Variants in PARD6G observed in about 807,000 individuals in gnomAD.
PARD6G encodes the protein par-6 family cell polarity regulator gamma, also known as partitioning defective 6 homolog gamma.
A neutral mutation model predicts 10.7 loss-of-function variants in PARD6G; 7 were observed. That is an observed-to-expected ratio of 0.66 (90% confidence interval 0.37 to 1.23). The LOEUF (loss-of-function observed/expected upper bound fraction) is 1.23. Ranked by LOEUF, PARD6G falls within the 50% of genes most tolerant of loss-of-function variation. The pLI is 0.02. For missense variants in PARD6G, 548 were observed against 571.8 expected (o/e 0.96, Z 0.42); for synonymous variants, 287 against 269.4 (o/e 1.07, Z -0.64).
At chr18:80,224,080 A>G (rs1967260765) in intron 1 of PARD6G, among the ~76,000 whole-genome samples, 1 of 152,174 alleles carries the variant, frequency 6.6e-6, no homozygotes. Context: ...CCAAACTACA[A>G]AAGTCCTCAG....
At chr18:80,204,246 T>C (rs1023400360) in intron 1 of PARD6G, among the ~76,000 whole-genome samples, 9 of 152,196 alleles carry the variant, frequency 5.9e-5, no homozygotes, top group African/African-American at 1.9e-4. Context: ...AAACTAGTCA[T>C]TATATCATCT....
intron 2 of PARD6G, among the ~76,000 whole-genome samples, chr18:80,193,038 T>G (rs769224257): frequency 1.3e-5 from 2 of 152,112 alleles, no homozygotes; most frequent in African/African-American, 4.8e-5. Context: ...CCCAAGCAGA[T>G]GGTGGCTTAG....
At chr18:80,214,475 A>G (rs1322795363) in intron 1 of PARD6G, among the ~76,000 whole-genome samples, 3 of 152,186 alleles carry the variant, frequency 2.0e-5, no homozygotes, top group African/African-American at 7.2e-5. Context: ...CAAAAAAAAA[A>G]GAATGATATC....
rs1248409610 is a variant in PARD6G at position 80,188,811 on chromosome 18, A to G, written c.295+13899T>C. 1.3e-5 allele frequency among the ~76,000 whole-genome samples: 2 copies of G among 152,164 alleles called. No homozygotes were observed. Among genetic ancestry groups the G allele is most frequent in the Admixed American group, 6.5e-5 (1 of 15,278 alleles). ...AAGTGACAGGCATGTGGGAGAGACA[A>G]GCCCACGAGATGGGCTTGCGGGGAA... On this transcript the variant is annotated intron_variant, in intron 2 of 2. Transcript: ENST00000353265. The surrounding 1 kb of genome is among the most constrained non-coding windows in gnomAD (Gnocchi z 5.4).
At chr18:80,230,361 G>A (rs1415899242) in intron 1 of PARD6G, among the ~76,000 whole-genome samples, 1 of 152,214 alleles carries the variant, frequency 6.6e-6, no homozygotes, top group Non-Finnish European at 1.5e-5. Context: ...AGAAATACAG[G>A]CGGTCATCCT....
At chr18:80,197,205 C>A (rs1051170149) in intron 2 of PARD6G, among the ~76,000 whole-genome samples, 1 of 152,142 alleles carries the variant, frequency 6.6e-6, no homozygotes, top group Non-Finnish European at 1.5e-5. Context: ...GAGCAGTGAA[C>A]CCTCAATTTA....
At chr18:80,164,400 A>T (rs769048738) in intron 2 of PARD6G, among the ~76,000 whole-genome samples, 11 of 152,254 alleles carry the variant, frequency 7.2e-5, no homozygotes, top group Non-Finnish European at 1.5e-4. Context: ...TGCCTCTGTG[A>T]TGTGCTCTCC....
chr18:80,186,516 ACATG>A (rs924125501), intron 2 of PARD6G, among the ~76,000 whole-genome samples: 3 of 147,840 alleles, frequency 2.0e-5, no homozygotes, highest in Non-Finnish European at 4.5e-5. Flanking sequence ...ACACCCTCAC[ACATG>A]CATGCATCCT....
In PARD6G at chr18:80,175,963, G is replaced by GT. The variant is rs1315822547; in HGVS notation, c.296-15358dup. ...GAGTGCCTGCTGGGATGTCATGCTG[G>GT]TAAGAGTGTGGCAAGTTCTGAGGGG... On this transcript the variant is annotated intron_variant, in intron 2 of 2. Coordinates refer to ENST00000353265, the MANE Select transcript of PARD6G (RefSeq NM_032510.4). This position sits in a 1 kb window ranked among gnomAD's most constrained non-coding sequence, Gnocchi z 6.7. 6.0e-6 allele frequency: 1 copy of GT among 167,320 alleles called. No homozygotes were observed. The highest frequency in any genetic ancestry group is 1.5e-5 in the Non-Finnish European group (1 of 68,216). The allele number at this position is 167,320 out of a possible 1,614,324, so 10.4% of individuals were successfully genotyped here. A position where few individuals can be genotyped will look rare whatever the true frequency, so the allele number is the denominator to read the frequency against.
intron 1 of PARD6G, among the ~76,000 whole-genome samples, chr18:80,215,514 A>G (rs1284880907): frequency 2.0e-5 from 3 of 152,186 alleles, no homozygotes; most frequent in Non-Finnish European, 4.4e-5. Flanking sequence ...GAATAGAGTT[A>G]TATCGGAGCA....
At chr18:80,173,009 C>A (rs1173632615) in intron 2 of PARD6G, among the ~76,000 whole-genome samples, 1 of 152,164 alleles carries the variant, frequency 6.6e-6, no homozygotes, top group Non-Finnish European at 1.5e-5. Flanking sequence ...ACATAAATGT[C>A]ACCATATGCT....
Position 80,200,027 on chromosome 18 carries a change from A to G in PARD6G, c.295+2683T>C, listed in dbSNP as rs779732005. On this transcript the variant is annotated intron_variant, in intron 2 of 2. Transcript: ENST00000353265. This position sits in a 1 kb window ranked among gnomAD's most constrained non-coding sequence, Gnocchi z 4.4. ...AGAATGCTGACTTTTCCTCTGTGAT[A>G]GTAAATTCCCTCTTAACATATATTT... Among the ~76,000 whole-genome samples the G allele has an allele frequency of 5.3e-5, 8 of 152,232 alleles. No homozygotes were observed. The highest frequency in any genetic ancestry group is 1.2e-4 in the Non-Finnish European group (8 of 68,046).
At chr18:80,196,890 TAAAAAAAAAAAAAA>T (rs572719232) in intron 2 of PARD6G, among the ~76,000 whole-genome samples, 8 of 88,028 alleles carry the variant, frequency 9.1e-5, no homozygotes, top group South Asian at 9.5e-4. Flanking sequence ...TTTCTTTTAT[TAAAAAAAAAAAAAA>T]AAAAAAAAAA....
chr18:80,170,097 T>G (rs972153289), intron 2 of PARD6G: 1 of 152,172 alleles, frequency 6.6e-6, no homozygotes, highest in African/African-American at 2.4e-5. Flanking sequence ...TTAAACAGCA[T>G]GTAGACACAT....
chr18:80,229,317 C>T (rs1272329421), intron 1 of PARD6G, among the ~76,000 whole-genome samples: 1 of 152,220 alleles, frequency 6.6e-6, no homozygotes, highest in Non-Finnish European at 1.5e-5. Flanking sequence ...CACACAAAAA[C>T]ACAACACCGA....
At chr18:80,236,938 A>G (rs1171353158) in intron 1 of PARD6G, among the ~76,000 whole-genome samples, 1 of 152,228 alleles carries the variant, frequency 6.6e-6, no homozygotes, top group Non-Finnish European at 1.5e-5. Context: ...GGTAATTTAC[A>G]GATTCAATGC....
intron 2 of PARD6G, chr18:80,171,082 G>C (rs1164279167): frequency 6.6e-6 from 1 of 152,108 alleles, no homozygotes; most frequent in Non-Finnish European, 1.5e-5. Context: ...CAAGTAATCT[G>C]TACTCACTAT....
At chr18:80,177,841 A>T (rs900082811) in intron 2 of PARD6G, among the ~76,000 whole-genome samples, 1 of 151,686 alleles carries the variant, frequency 6.6e-6, no homozygotes, top group Non-Finnish European at 1.5e-5. Context: ...GAAAAATCGC[A>T]GTCCAAACGG....
At chr18:80,172,703 A>C (rs1309768541) in intron 2 of PARD6G, among the ~76,000 whole-genome samples, 1 of 152,036 alleles carries the variant, frequency 6.6e-6, no homozygotes, top group African/African-American at 2.4e-5. Context: ...TTTTCTATTG[A>C]CGTGAGTATT....
Sources: allele counts gnomAD v4.1 joint callset (sites outside exome capture counted in the v4.1 genomes callset), GRCh38; gene constraint gnomAD v4.1.1; non-coding constraint Gnocchi (gnomAD v3.1); transcripts MANE v1.5; gene names NCBI Gene and HGNC (gene_info 2026-07-23, HGNC 2026-07-21).